RASGRP1: variants seen among roughly 807,000 people sequenced by gnomAD.
RASGRP1 encodes the protein RAS guanyl releasing protein 1, also known as RAS guanyl-releasing protein 1.
RASGRP1 carries 37 observed loss-of-function variants against 95.1 expected under a neutral mutation model. That is an observed-to-expected ratio of 0.39 (90% CI 0.30 to 0.51). RASGRP1 has a LOEUF of 0.51. Ranked by LOEUF, RASGRP1 falls within the 20% of genes least tolerant of loss-of-function variation. RASGRP1 has a pLI of 0.80. For synonymous variants in RASGRP1, 325 were observed against 353.4 expected (o/e 0.92, Z 0.90); for missense variants, 711 against 965.4 (o/e 0.74, Z 3.49).
At chr15:38,560,161 G>A (rs1056318751) in intron 1 of RASGRP1, 156 bp from the exon 2 acceptor site, 1 of 690,182 alleles carries the variant, frequency 1.4e-6, no homozygotes, top group African/African-American at 1.8e-5. Context: ...CCAAATGACT[G>A]GTTGGCTGTT....
At chr15:38,547,100 C>A (rs1163532712) in intron 2 of RASGRP1, among the ~76,000 whole-genome samples, 1 of 152,190 alleles carries the variant, frequency 6.6e-6, no homozygotes, top group Non-Finnish European at 1.5e-5. Flanking sequence ...GGACATCCTT[C>A]AATACTCATA....
At chr15:38,526,255 G>A (rs1044300550) in intron 3 of RASGRP1, 44 bp downstream of exon 3, 52 of 1,479,822 alleles carry the variant, frequency 3.5e-5, no homozygotes, top group Non-Finnish European at 4.6e-5. Flanking sequence ...TACTTTTTGG[G>A]TGGATCCCAT....
Position 38,518,372 on chromosome 15 carries a change from T to G in RASGRP1, c.441A>C (p.Thr147=). 1 of 1,608,834 alleles carries G rather than the reference T, an allele frequency of 6.2e-7. No homozygotes were observed. The highest frequency in any genetic ancestry group is 8.5e-7 in the Non-Finnish European group (1 of 1,177,522). ...GTTCCTGAAACTCCTCCATAGTGTC[T>G]GTCAAGCTGGCGTCCATTTTAAACA... is the stretch of plus-strand genomic sequence containing the variant. ...WVMFKMDASL[T]DTMEEFQELV... is the part of the protein sequence containing the mutation. The change falls in exon 5 of 17, where the codon ACA becomes ACC. Residue 147 remains threonine (T), a synonymous_variant. Transcript: ENST00000310803.
At chr15:38,494,873 A>C in intron 15 of RASGRP1, 106 bp from the exon 16 acceptor site, 1 of 1,078,792 alleles carries the variant, frequency 9.3e-7, no homozygotes, top group Non-Finnish European at 1.2e-6. Flanking sequence ...CTGGAGTTCC[A>C]TATGTTCAAA....
At chr15:38,547,874 T>G (rs1451715944) in intron 2 of RASGRP1, among the ~76,000 whole-genome samples, 1 of 151,996 alleles carries the variant, frequency 6.6e-6, no homozygotes, top group Non-Finnish European at 1.5e-5. Flanking sequence ...CGCGTGTGTG[T>G]GTGTGTGAGA....
At chr15:38,508,124 G>A in intron 8 of RASGRP1, 123 bp from the exon 9 acceptor site, 1 of 1,102,352 alleles carries the variant, frequency 9.1e-7, no homozygotes, top group South Asian at 1.6e-5. Context: ...GTTGAGCAGG[G>A]GGTAATTCAT....
intron 1 of RASGRP1, among the ~76,000 whole-genome samples, chr15:38,562,109 T>C (rs1418823197): frequency 6.6e-6 from 1 of 152,250 alleles, no homozygotes; most frequent in Non-Finnish European, 1.5e-5. Context: ...ATTCATTTAA[T>C]AAATATTGAC....
intron 3 of RASGRP1, among the ~76,000 whole-genome samples, chr15:38,520,365 C>T (rs1891955457): frequency 6.6e-6 from 1 of 152,154 alleles, no homozygotes; most frequent in South Asian, 2.1e-4. Flanking sequence ...GGTCTTCCTT[C>T]TGTGGGTGTA....
chr15:38,502,401 A>G lies in RASGRP1; in HGVS notation c.1449T>C (p.Asp483=). The G allele has an allele frequency of 1.3e-6, 2 of 1,600,006 alleles. No individual in the cohort carries two copies. Among genetic ancestry groups the G allele is most frequent in the Non-Finnish European group, 1.7e-6 (2 of 1,167,444 alleles). Reference sequence around the variant, plus strand: ...GAGAAATGTATCCATCCTGGTCGTGATCATAGTTCTTGAAGACAGACTGTG... The same window carrying G: ...GAGAAATGTATCCATCCTGGTCGTGGTCATAGTTCTTGAAGACAGACTGTG... ...RMVDSVFKNY[D]HDQDGYISQE... Residue 483 remains aspartate (D), a synonymous_variant, in exon 12 of 17, where the codon GAT becomes GAC. Transcript: ENST00000310803.
chr15:38,542,869 ATGTG>A (rs1555403785), intron 2 of RASGRP1, among the ~76,000 whole-genome samples: 134 of 140,402 alleles, frequency 9.5e-4, no homozygotes, highest in Middle Eastern at 3.8e-3. Flanking sequence ...ATACACATAT[ATGTG>A]TATATATATA....
chr15:38,564,487 C>A (rs927077134), intron 1 of RASGRP1, 107 bp downstream of exon 1: 6 of 1,126,296 alleles, frequency 5.3e-6, no homozygotes, highest in Non-Finnish European at 6.8e-6. Context: ...CCGACCCCGG[C>A]CCCCCTCCGC....
intron 1 of RASGRP1, among the ~76,000 whole-genome samples, chr15:38,561,211 C>T (rs1020433915): frequency 6.6e-6 from 1 of 152,154 alleles, no homozygotes. Flanking sequence ...AGTGTTTATT[C>T]TATGAGTAAG....
At chr15:38,562,029 T>C (rs1391695433) in intron 1 of RASGRP1, among the ~76,000 whole-genome samples, 1 of 152,070 alleles carries the variant, frequency 6.6e-6, no homozygotes, top group African/African-American at 2.4e-5. Context: ...AAAGGGTAAA[T>C]GACATAGCCA....
intron 2 of RASGRP1, among the ~76,000 whole-genome samples, chr15:38,553,639 G>A (rs906184526): frequency 6.6e-6 from 1 of 152,306 alleles, no homozygotes; most frequent in South Asian, 2.1e-4. Context: ...GCCTTTGAAT[G>A]CAAGAATCAA....
intron 2 of RASGRP1, among the ~76,000 whole-genome samples, chr15:38,536,509 A>C (rs2141157948): frequency 6.6e-6 from 1 of 152,370 alleles, no homozygotes; most frequent in South Asian, 2.1e-4. Context: ...AGGCACGAAG[A>C]AGCAACTTGG....
chr15:38,535,589 T>C (rs543705806), intron 2 of RASGRP1, among the ~76,000 whole-genome samples: 5 of 152,168 alleles, frequency 3.3e-5, no homozygotes, highest in African/African-American at 4.8e-5. Context: ...CGCTGGTCCA[T>C]CTCTCCCTCT....
At chr15:38,499,739 C>T (rs1478734854) in intron 14 of RASGRP1, among the ~76,000 whole-genome samples, 1 of 152,162 alleles carries the variant, frequency 6.6e-6, no homozygotes, top group East Asian at 1.9e-4. Context: ...CAAACCTCAC[C>T]TTGTAGTGCC....
intron 11 of RASGRP1, among the ~76,000 whole-genome samples, chr15:38,502,678 C>T (rs1009700326): frequency 6.6e-6 from 1 of 152,152 alleles, no homozygotes; most frequent in Admixed American, 6.5e-5. Flanking sequence ...GCTGGCTACT[C>T]CTAGTTCACT....
At chr15:38,546,965 T>C (rs532388184) in intron 2 of RASGRP1, among the ~76,000 whole-genome samples, 1 of 152,344 alleles carries the variant, frequency 6.6e-6, no homozygotes, top group East Asian at 1.9e-4. Context: ...CTTTGTGCTA[T>C]GTTATTCACA....
Sources: gnomAD v4.1 joint callset for allele counts (sites outside exome capture counted in the v4.1 genomes callset) on GRCh38, gnomAD v4.1.1 for gene constraint, MANE v1.5 for transcripts, NCBI Gene and HGNC (gene_info 2026-07-23, HGNC 2026-07-21) for gene names.